NUP93: variants seen among roughly 807,000 people sequenced by gnomAD.
NUP93 encodes nucleoporin 93.
NUP93 carries 55 observed loss-of-function variants against 107.8 expected under a neutral mutation model. The observed-to-expected ratio is 0.51, with a 90% CI of 0.41 to 0.64. The LOEUF (loss-of-function observed/expected upper bound fraction) is 0.64. NUP93 is among the 30% of genes least tolerant of loss of function. The probability of loss-of-function intolerance (pLI) is 0.00; values close to 1 mark genes in which losing one functional copy is unlikely to be tolerated. For missense variants in NUP93, 937 were observed against 1,044.7 expected, an observed-to-expected ratio of 0.90 and a Z score of 1.42; for synonymous variants, 390 against 397.5, an observed-to-expected ratio of 0.98 and a Z score of 0.22.
At chr16:56,766,795 A>G (rs1405384494) in intron 3 of NUP93, among the ~76,000 whole-genome samples, 23 of 152,208 alleles carry the variant, frequency 1.5e-4, no homozygotes, top group African/African-American at 5.1e-4. Context: ...CTAAAAATCC[A>G]TGATCTGCGA....
In NUP93 at chr16:56,833,209, TC is replaced by T. The variant is rs1567410779; in HGVS notation, c.1346-3del. 2 of 1,597,320 alleles carry T rather than the reference TC, an allele frequency of 1.3e-6. No individual in the cohort carries two copies. The highest frequency in any genetic ancestry group is 4.6e-5 in the East Asian group (2 of 43,590). On this transcript the variant is annotated splice_region_variant and splice_polypyrimidine_tract_variant and intron_variant, in intron 12 of 21. Transcript: ENST00000308159. Reference sequence around the variant, plus strand: ...GTTTTATCTCCTCTCCTCTCCTCTCTCCCAGGCGAGTCCCACTTTACGGTGA... The same window carrying T: ...GTTTTATCTCCTCTCCTCTCCTCTCTCCAGGCGAGTCCCACTTTACGGTGA...
chr16:56,804,805 C>T (rs1963098548), intron 4 of NUP93, among the ~76,000 whole-genome samples: 1 of 151,172 alleles, frequency 6.6e-6, no homozygotes, highest in Non-Finnish European at 1.5e-5. Context: ...ACTCGGGAGG[C>T]TGAGACAGGA....
At chr16:56,736,621 G>A (rs943503076) in intron 1 of NUP93, among the ~76,000 whole-genome samples, 4 of 152,176 alleles carry the variant, frequency 2.6e-5, no homozygotes, top group African/African-American at 9.7e-5. Flanking sequence ...AGGGGCAGAG[G>A]CGGAGGAGGA....
At chr16:56,747,308 A>T (rs1961836604) in intron 1 of NUP93, among the ~76,000 whole-genome samples, 1 of 152,176 alleles carries the variant, frequency 6.6e-6, no homozygotes, top group South Asian at 2.1e-4. Flanking sequence ...TTTTCTTACC[A>T]TGGTGCTACT....
At chr16:56,780,413 A>T (rs76477146) in intron 3 of NUP93, among the ~76,000 whole-genome samples, 15,836 of 152,210 alleles carry the variant, frequency 0.1, 847 homozygotes, top group East Asian at 0.15. Context: ...TGCTAGTAAC[A>T]TAAGTTCTTT....
rs1420159093 is a variant in NUP93 at position 56,832,795 on chromosome 16, G to T, written c.1345+407G>T. ...TGAGAAGAAAAGAAGATTCCAAATAGTGGTTACCAGTTGTTGCATTCAGAT... is the reference window on the plus strand; with the variant it reads ...TGAGAAGAAAAGAAGATTCCAAATATTGGTTACCAGTTGTTGCATTCAGAT... On this transcript the variant is annotated intron_variant, in intron 12 of 21. Coordinates refer to ENST00000308159, the MANE Select transcript of NUP93 (RefSeq NM_014669.5). 2.6e-5 allele frequency among the ~76,000 whole-genome samples: 4 copies of T among 152,280 alleles called. No individual in the cohort carries two copies. In the East Asian group the frequency reaches 7.7e-4, roughly 29 times the overall value.
intron 10 of NUP93, 176 bp from the exon 11 acceptor site, chr16:56,831,666 A>C: frequency 1.7e-6 from 1 of 601,408 alleles, no homozygotes; most frequent in Non-Finnish European, 2.9e-6. Context: ...AGGTAGTTGC[A>C]AGTCAGGTTA....
At chr16:56,740,154 T>A (rs1160005645) in intron 1 of NUP93, among the ~76,000 whole-genome samples, 1 of 127,228 alleles carries the variant, frequency 7.9e-6, no homozygotes, top group African/African-American at 3.1e-5. Flanking sequence ...CCGGACGGGG[T>A]GGCTGCCGGG....
At chr16:56,785,472 A>G (rs1225761894) in intron 3 of NUP93, among the ~76,000 whole-genome samples, 2 of 152,178 alleles carry the variant, frequency 1.3e-5, no homozygotes, top group Non-Finnish European at 2.9e-5. Context: ...CAGTTTTCTC[A>G]TGAAATTTTA....
chr16:56,751,730 C>G (rs1433369473), intron 2 of NUP93, among the ~76,000 whole-genome samples: 3 of 152,146 alleles, frequency 2.0e-5, no homozygotes, highest in African/African-American at 7.2e-5. Context: ...ATTTTATATG[C>G]TTCCCATGTA....
intron 3 of NUP93, among the ~76,000 whole-genome samples, chr16:56,776,133 G>T (rs1414924616): frequency 1.3e-5 from 2 of 150,850 alleles, no homozygotes; most frequent in African/African-American, 2.4e-5. Context: ...AGAATTTTGC[G>T]TTTAAGTTTT....
chr16:56,782,898 C>A (rs1475278133), intron 3 of NUP93, among the ~76,000 whole-genome samples: 7 of 152,000 alleles, frequency 4.6e-5, no homozygotes, highest in Non-Finnish European at 1.5e-5. Context: ...TTTTTTATTT[C>A]TTAAATTCAG....
intron 3 of NUP93, among the ~76,000 whole-genome samples, chr16:56,796,534 C>T (rs1320678307): frequency 1.3e-5 from 2 of 152,198 alleles, no homozygotes; most frequent in African/African-American, 4.8e-5. Flanking sequence ...TAAAACATTA[C>T]AGTTGCTAAA....
Position 56,830,572 on chromosome 16 carries a change from C to T in NUP93, c.972C>T (p.Tyr324=), listed in dbSNP as rs1405802492. 1.9e-6 allele frequency: 3 copies of T among 1,606,690 alleles called. No individual in the cohort carries two copies. Among genetic ancestry groups the T allele is most frequent in the East Asian group, 2.2e-5 (1 of 44,698 alleles). Residue 324 remains tyrosine (Y), a synonymous_variant, in exon 10 of 22, where the codon TAC becomes TAT. Transcript: ENST00000308159. ...ATCCTGTGTGGGCGCTAATTTACTA[C>T]TGCATGCGCTGTGGAGACCTGCTTG... ...EGHPVWALIY[Y]CMRCGDLLAA...
intron 1 of NUP93, chr16:56,741,004 G>GGGGAGAGGGAGAGGGAGAGGGAGA (rs762587890): frequency 5.5e-5 from 8 of 144,796 alleles, no homozygotes; most frequent in African/African-American, 1.8e-4. Flanking sequence ...GGGAGACCGT[G>GGGGAGAGGGAGAGGGAGAGGGAGA]GGGAGAGGGA....
At chr16:56,743,603 G>A (rs1320076024) in intron 1 of NUP93, among the ~76,000 whole-genome samples, 6 of 152,098 alleles carry the variant, frequency 3.9e-5, no homozygotes, top group African/African-American at 1.4e-4. Flanking sequence ...CAGCAGTGGG[G>A]CGGGGAGCTT....
chr16:56,744,495 T>G (rs1488240923), intron 1 of NUP93, among the ~76,000 whole-genome samples: 2 of 152,224 alleles, frequency 1.3e-5, no homozygotes, highest in Non-Finnish European at 2.9e-5. Context: ...ATTTGGAAAC[T>G]TTAATAAAAC....
intron 4 of NUP93, among the ~76,000 whole-genome samples, chr16:56,801,969 G>T (rs1188264974): frequency 2.0e-5 from 3 of 152,124 alleles, no homozygotes; most frequent in Non-Finnish European, 4.4e-5. Flanking sequence ...CTCTGTGGGT[G>T]GTGTATTGTC....
chr16:56,730,757 C>T (rs1961521294), intron 1 of NUP93, among the ~76,000 whole-genome samples: 1 of 152,210 alleles, frequency 6.6e-6, no homozygotes, highest in South Asian at 2.1e-4. Flanking sequence ...CCACCCTTCT[C>T]TGTGCTTACT....
Sources: gnomAD v4.1 joint callset for allele counts (sites outside exome capture counted in the v4.1 genomes callset) on GRCh38, gnomAD v4.1.1 for gene constraint, MANE v1.5 for transcripts, NCBI Gene and HGNC (gene_info 2026-07-23, HGNC 2026-07-21) for gene names.